KCTD14: variants seen among roughly 807,000 people sequenced by gnomAD.
KCTD14 encodes the protein BTB/POZ domain-containing protein KCTD14.
A neutral mutation model predicts 5.9 loss-of-function variants in KCTD14; 7 were observed. The observed-to-expected ratio is 1.19, with a 90% confidence interval of 0.68 to 2.23. KCTD14 has a LOEUF of 2.23. Ranked by LOEUF, KCTD14 falls within the 30% of genes most tolerant of loss-of-function variation. The pLI, the probability that KCTD14 is intolerant of heterozygous loss-of-function variation, is 0.00. For missense variants in KCTD14, 342 were observed against 332.2 expected (o/e 1.03, Z -0.23); for synonymous variants, 140 against 133.1 (o/e 1.05, Z -0.36).
intron 1 of KCTD14, among the ~76,000 whole-genome samples, chr11:78,017,600 A>G (rs1281976746): frequency 2.0e-5 from 3 of 151,784 alleles, no homozygotes; most frequent in Non-Finnish European, 4.4e-5. Context: ...GCCTGCCATC[A>G]TGCCCAACTA....
intron 1 of KCTD14, 131 bp from the exon 2 acceptor site, chr11:78,017,401 C>A: frequency 8.3e-7 from 1 of 1,198,568 alleles, no homozygotes; most frequent in Non-Finnish European, 1.1e-6. Flanking sequence ...GTGAAAGGCC[C>A]ATCTTACTAA....
intron 1 of KCTD14, 47 bp from the exon 2 acceptor site, chr11:78,017,317 G>C: frequency 6.6e-7 from 1 of 1,517,316 alleles, no homozygotes; most frequent in Non-Finnish European, 8.8e-7. Flanking sequence ...TCTCCCCTGA[G>C]CGCATTACTT....
chr11:78,031,044 TG>T (rs1259412797), intron 2 of KCTD14, among the ~76,000 whole-genome samples: 1 of 142,630 alleles, frequency 7.0e-6, no homozygotes, highest in African/African-American at 2.7e-5. Flanking sequence ...TAGCAAGTAA[TG>T]GTTTTTTTTT....
intron 1 of KCTD14, among the ~76,000 whole-genome samples, chr11:78,041,536 G>C (rs534538080): frequency 6.6e-6 from 1 of 152,178 alleles, no homozygotes; most frequent in Non-Finnish European, 1.5e-5. Flanking sequence ...CGGGAGGGAC[G>C]ATGATCAGGA....
chr11:78,043,022 G>T (rs746888238), intron 1 of KCTD14, among the ~76,000 whole-genome samples: 4 of 152,252 alleles, frequency 2.6e-5, no homozygotes, highest in African/African-American at 4.8e-5. Flanking sequence ...GGGAAGAGGG[G>T]CTGGGCACCG....
Position 78,040,512 on chromosome 11 carries a change from C to T in KCTD14, c.-95-1754G>A, listed in dbSNP as rs372313383. Among the ~76,000 whole-genome samples, 45 of 151,740 alleles carry T rather than the reference C, an allele frequency of 3.0e-4. No homozygotes were observed. The East Asian group carries it at 3.9e-3, about 13-fold the overall frequency. On this transcript the variant is annotated intron_variant, in intron 1 of 2. Transcript: ENST00000533144. The stretch of plus-strand genomic sequence containing the variant: ...CCTTCTTTCTGCACCTTTTAATTTT[C>T]TCCGCCTGGAATCCAGCCTCATTTC...
At chr11:78,025,846 G>A (rs890963360), upstream of KCTD14, among the ~76,000 whole-genome samples, 3 of 152,250 alleles carry the variant, frequency 2.0e-5, no homozygotes, top group Non-Finnish European at 4.4e-5. Flanking sequence ...GTTATGCGCC[G>A]TGACTTCTTC....
At chr11:78,026,624 T>C (rs1857472974), upstream of KCTD14, among the ~76,000 whole-genome samples, 1 of 151,332 alleles carries the variant, frequency 6.6e-6, no homozygotes, top group Non-Finnish European at 1.5e-5. Flanking sequence ...CAAAGCTTAG[T>C]CAGGCATGGT....
chr11:78,041,492 G>A (rs1857991736), intron 1 of KCTD14, among the ~76,000 whole-genome samples: 1 of 152,214 alleles, frequency 6.6e-6, no homozygotes, highest in Non-Finnish European at 1.5e-5. Flanking sequence ...AGGAGGTAAA[G>A]AAATAGCCAA....
At chr11:78,017,923 C>G (rs1857214475) in intron 1 of KCTD14, among the ~76,000 whole-genome samples, 3 of 151,724 alleles carry the variant, frequency 2.0e-5, no homozygotes, top group South Asian at 4.2e-4. Flanking sequence ...TTGGCAAAAC[C>G]CTGTTTCTAC....
At chr11:78,045,277 G>GT (rs1858103360) in intron 1 of KCTD14, among the ~76,000 whole-genome samples, 2 of 152,094 alleles carry the variant, frequency 1.3e-5, no homozygotes, top group Admixed American at 6.6e-5. Flanking sequence ...TAATTTTTTT[G>GT]TATTTTTTGT....
At chr11:78,034,265 G>A (rs1857722771) in intron 2 of KCTD14, among the ~76,000 whole-genome samples, 1 of 152,116 alleles carries the variant, frequency 6.6e-6, no homozygotes, top group Admixed American at 6.5e-5. Flanking sequence ...TGGAACTACA[G>A]GTGCATAGCA....
chr11:78,046,147 T>C lies in KCTD14; in HGVS notation c.-182A>G, dbSNP rs926307674. On this transcript the variant is annotated 5_prime_UTR_variant, in exon 1 of 3. Transcript: ENST00000533144. Reference sequence around the variant, plus strand: ...AACAGCAAAAAAGGAGTCCACAGAATCAGTTCGCAAGGGCAGGAGCAGGAA... The same window carrying C: ...AACAGCAAAAAAGGAGTCCACAGAACCAGTTCGCAAGGGCAGGAGCAGGAA... The C allele has an allele frequency of 4.8e-5, 47 of 985,008 alleles. No homozygotes were observed. In the Admixed American group the frequency reaches 5.5e-4, roughly 12 times the overall value. The allele number at this position is 985,008 out of a possible 1,614,324, so 61.0% of individuals were successfully genotyped here.
chr11:78,017,285 G>A lies in KCTD14; in HGVS notation c.91-15C>T, dbSNP rs1349256816. On this transcript the variant is annotated splice_polypyrimidine_tract_variant and intron_variant, in intron 1 of 1. Coordinates refer to ENST00000353172, the MANE Select transcript of KCTD14 (RefSeq NM_023930.4). ...ACAGTAGACATCTGGGGGCACAAGA[G>A]GCAGAGTAAACCAACACGCCATCTC... 1 of 1,568,748 alleles carries A rather than the reference G, an allele frequency of 6.4e-7. No homozygotes were observed. The highest frequency in any genetic ancestry group is 1.2e-5 in the South Asian group (1 of 86,042).
chr11:78,019,255 C>G (rs1857252365), intron 1 of KCTD14, among the ~76,000 whole-genome samples: 2 of 152,164 alleles, frequency 1.3e-5, no homozygotes, highest in South Asian at 4.1e-4. Context: ...CTCAAGTGAT[C>G]TGCCCACCTC....
intron 1 of KCTD14, among the ~76,000 whole-genome samples, chr11:78,041,590 G>A (rs752028413): frequency 2.0e-5 from 3 of 152,224 alleles, no homozygotes; most frequent in Non-Finnish European, 4.4e-5. Context: ...CCCCCTTTGG[G>A]TCCCCTCCCT....
intron 1 of KCTD14, among the ~76,000 whole-genome samples, chr11:78,018,220 T>A (rs1857222531): frequency 6.6e-6 from 1 of 152,002 alleles, no homozygotes; most frequent in African/African-American, 2.4e-5. Flanking sequence ...TTTTTCCCTC[T>A]TACAGCCTCA....
At chr11:78,023,117 G>T in intron 1 of KCTD14, 43 bp downstream of exon 1, 1 of 1,316,330 alleles carries the variant, frequency 7.6e-7, no homozygotes. Context: ...GAGGGAAGAG[G>T]CGGAGGACAG....
At chr11:78,029,754 C>T (rs778853899) in intron 2 of KCTD14, among the ~76,000 whole-genome samples, 2 of 151,556 alleles carry the variant, frequency 1.3e-5, no homozygotes, top group Non-Finnish European at 2.9e-5. Context: ...AACTCAGTTC[C>T]ACAAGGAATC....
Sources: allele counts gnomAD v4.1 joint callset (sites outside exome capture counted in the v4.1 genomes callset), GRCh38; gene constraint gnomAD v4.1.1; transcripts MANE v1.5; gene names NCBI Gene and HGNC (gene_info 2026-07-23, HGNC 2026-07-21).